The following APBA2 variants were observed in gnomAD, a reference collection of about 807,000 sequenced individuals.
The protein encoded by APBA2 is amyloid beta precursor protein binding family A member 2, also known as amyloid-beta A4 precursor protein-binding family A member 2.
A neutral mutation model predicts 75.0 loss-of-function variants in APBA2; 30 were observed. That is an observed-to-expected ratio of 0.40 (90% CI 0.30 to 0.54). The LOEUF (loss-of-function observed/expected upper bound fraction) is 0.54, where lower values mean the gene tolerates loss of function less well. Among genes scored for constraint, APBA2 ranks in the 20% least tolerant of loss-of-function variants. The pLI, the probability that APBA2 is intolerant of heterozygous loss-of-function variation, is 0.49. For synonymous variants in APBA2, 444 were observed against 409.6 expected, an observed-to-expected ratio of 1.08 and a Z score of -1.01; for missense variants, 801 against 1,016.1, an observed-to-expected ratio of 0.79 and a Z score of 2.88.
At chr15:29,008,181 T>G (rs1197692277) in intron 3 of APBA2, among the ~76,000 whole-genome samples, 1 of 152,152 alleles carries the variant, frequency 6.6e-6, no homozygotes, top group East Asian at 1.9e-4. Context: ...GTACTCAGAA[T>G]AGTCAAATTC....
intron 3 of APBA2, among the ~76,000 whole-genome samples, chr15:29,053,150 C>T (rs1197872010): frequency 6.6e-6 from 1 of 152,184 alleles, no homozygotes; most frequent in East Asian, 1.9e-4. Context: ...GCCCTGTCAC[C>T]CCACGATACC....
In APBA2 at chr15:29,117,941, CG is replaced by C. The variant is rs1363308890; in HGVS notation, c.*809del. The C allele has an allele frequency of 6.6e-6, 1 of 152,082 alleles. No homozygotes were observed. The highest frequency in any genetic ancestry group is 1.5e-5 in the Non-Finnish European group (1 of 68,036). The allele number at this position is 152,082 out of a possible 1,614,324, so 9.4% of individuals were successfully genotyped here. On this transcript the variant is annotated 3_prime_UTR_variant, in exon 15 of 15. Transcript: ENST00000683413. The stretch of plus-strand genomic sequence containing the variant: ...TTTAAAATCGATCTACACACATCCA[CG>C]CACATGCGACCCCGAGGAAACGAAA...
At chr15:28,887,170 A>G (rs975883014) in intron 1 of APBA2, among the ~76,000 whole-genome samples, 5 of 152,240 alleles carry the variant, frequency 3.3e-5, no homozygotes, top group Non-Finnish European at 7.3e-5. Flanking sequence ...CAGGCACCAG[A>G]CATAAATCTG....
intron 1 of APBA2, among the ~76,000 whole-genome samples, chr15:28,902,251 T>C (rs147909296): frequency 0.012 from 1,766 of 152,214 alleles, 43 homozygotes; most frequent in African/African-American, 0.04. Context: ...CCCTGGGTGC[T>C]GTGGAGGGAG....
intron 1 of APBA2, among the ~76,000 whole-genome samples, chr15:28,910,952 T>C (rs935669163): frequency 3.9e-5 from 6 of 152,228 alleles, no homozygotes; most frequent in African/African-American, 9.6e-5. Context: ...TACGGTGTTA[T>C]TCTTTTCCAG....
chr15:29,011,622 C>T (rs963474369), intron 3 of APBA2, among the ~76,000 whole-genome samples: 1 of 152,034 alleles, frequency 6.6e-6, no homozygotes, highest in African/African-American at 2.4e-5. Flanking sequence ...TCGATATATT[C>T]ATGAGGAAAA....
At chr15:28,999,279 C>T (rs2038718203) in intron 3 of APBA2, among the ~76,000 whole-genome samples, 1 of 152,062 alleles carries the variant, frequency 6.6e-6, no homozygotes, top group African/African-American at 2.4e-5. Context: ...AATCAAACAT[C>T]AGTATTAGCA....
At chr15:29,109,564 A>AAAG in intron 13 of APBA2, among the ~76,000 whole-genome samples, 1 of 152,320 alleles carries the variant, frequency 6.6e-6, no homozygotes, top group Non-Finnish European at 1.5e-5. Context: ...GAGGCAGCTC[A>AAAG]GAAGACCTTG....
intron 3 of APBA2, among the ~76,000 whole-genome samples, chr15:29,032,314 C>A (rs1487074530): frequency 3.3e-5 from 5 of 152,184 alleles, no homozygotes; most frequent in Non-Finnish European, 7.3e-5. Context: ...AGCAGACTGT[C>A]CTTCATATTT....
intron 2 of APBA2, among the ~76,000 whole-genome samples, chr15:28,974,934 A>C (rs2037256687): frequency 6.6e-6 from 1 of 152,190 alleles, no homozygotes; most frequent in Non-Finnish European, 1.5e-5. Flanking sequence ...TGAGAAAAAA[A>C]TGAAACTGAT....
intron 2 of APBA2, among the ~76,000 whole-genome samples, chr15:28,938,531 C>T (rs932913131): frequency 2.6e-5 from 4 of 152,114 alleles, no homozygotes; most frequent in African/African-American, 9.7e-5. Context: ...GACAGCGTGA[C>T]AGAGTTTTGC....
At chr15:28,890,971 G>A (rs2032091658) in intron 1 of APBA2, among the ~76,000 whole-genome samples, 2 of 152,090 alleles carry the variant, frequency 1.3e-5, no homozygotes, top group South Asian at 4.1e-4. Context: ...TTAATATAAG[G>A]TGCTATGTCT....
intron 11 of APBA2, 137 bp downstream of exon 11, chr15:29,105,695 C>T (rs755187732): frequency 2.3e-6 from 2 of 884,818 alleles, no homozygotes; most frequent in East Asian, 2.6e-5. Context: ...CCGGAATGTG[C>T]ACCTCGCTCC....
intron 3 of APBA2, among the ~76,000 whole-genome samples, chr15:28,997,650 G>T (rs539281046): frequency 2.2e-4 from 33 of 152,272 alleles, no homozygotes; most frequent in African/African-American, 7.9e-4. Flanking sequence ...CGGTGAAATT[G>T]GCTTCTTGAC....
At chr15:28,964,195 C>T (rs567952348) in intron 2 of APBA2, among the ~76,000 whole-genome samples, 1 of 152,324 alleles carries the variant, frequency 6.6e-6, no homozygotes, top group Admixed American at 6.5e-5. Context: ...TGCTGGATTG[C>T]ATGGTAAATT....
intron 9 of APBA2, among the ~76,000 whole-genome samples, chr15:29,098,965 T>TA (rs1224177826): frequency 1.1e-4 from 16 of 151,900 alleles, no homozygotes; most frequent in Non-Finnish European, 2.4e-4. Context: ...CATACCCTGA[T>TA]ACGGGCACAG....
At chr15:28,962,520 G>A (rs539847920) in intron 2 of APBA2, among the ~76,000 whole-genome samples, 1 of 152,128 alleles carries the variant, frequency 6.6e-6, no homozygotes, top group Non-Finnish European at 1.5e-5. Flanking sequence ...AGTGAGCAGA[G>A]ATCGCGCCAC....
chr15:28,933,026 G>T (rs2034645015), intron 2 of APBA2, among the ~76,000 whole-genome samples: 1 of 152,108 alleles, frequency 6.6e-6, no homozygotes, highest in Non-Finnish European at 1.5e-5. Context: ...ATGGTGGAAG[G>T]CATCATATAG....
chr15:28,981,000 A>G (rs1332572192), intron 2 of APBA2, among the ~76,000 whole-genome samples: 1 of 152,216 alleles, frequency 6.6e-6, no homozygotes, highest in African/African-American at 2.4e-5. Context: ...GAAGAATGAA[A>G]CTGGATCCCT....
Sources: gnomAD v4.1 joint callset for allele counts (sites outside exome capture counted in the v4.1 genomes callset) on GRCh38, gnomAD v4.1.1 for gene constraint, MANE v1.5 for transcripts, NCBI Gene and HGNC (gene_info 2026-07-23, HGNC 2026-07-21) for gene names.